The following CD55 variants were observed in gnomAD, a reference collection of about 807,000 sequenced individuals.
CD55 encodes the protein CD55 molecule (Cromer blood group), also known as complement decay-accelerating factor.
In CD55, 41 loss-of-function variants were observed where a neutral mutation model predicts 45.8. The observed-to-expected ratio is 0.90, with a 90% CI of 0.70 to 1.16. The LOEUF (loss-of-function observed/expected upper bound fraction) is 1.16. Among genes scored for constraint, CD55 ranks in the 50% most tolerant of loss-of-function variants. The pLI is 0.00. For missense variants in CD55, 416 were observed against 469.8 expected (o/e 0.89, Z 1.06); for synonymous variants, 181 against 181.1 (o/e 1.00, Z 0.01).
chr1:207,357,366 G>A (rs1656116009), intron 9 of CD55, among the ~76,000 whole-genome samples: 1 of 152,010 alleles, frequency 6.6e-6, no homozygotes, highest in Non-Finnish European at 1.5e-5. Flanking sequence ...AAGTGAGTTG[G>A]TATGGAAGCA....
intron 9 of CD55, among the ~76,000 whole-genome samples, chr1:207,355,012 GA>G (rs2102444647): frequency 6.6e-6 from 1 of 152,274 alleles, no homozygotes; most frequent in East Asian, 1.9e-4. Flanking sequence ...CAGAAAGGGG[GA>G]AACCCAAAAT....
At chr1:207,324,228 G>T (rs1157539947) in intron 2 of CD55, among the ~76,000 whole-genome samples, 1 of 152,062 alleles carries the variant, frequency 6.6e-6, no homozygotes, top group African/African-American at 2.4e-5. Flanking sequence ...GTATGGTGCT[G>T]TGTAGTTCTT....
At chr1:207,328,000 C>T (rs909506726) in intron 5 of CD55, among the ~76,000 whole-genome samples, 1 of 152,102 alleles carries the variant, frequency 6.6e-6, no homozygotes, top group Admixed American at 6.5e-5. Context: ...AAAGCTGGGC[C>T]ATATCTTTTG....
intron 4 of CD55, 82 bp downstream of exon 4, chr1:207,325,803 A>C: frequency 1.3e-6 from 1 of 746,514 alleles, no homozygotes; most frequent in Non-Finnish European, 2.3e-6. Context: ...TAGTTTCATG[A>C]CTGGTATTCA....
At chr1:207,356,552 C>T (rs928323857) in intron 9 of CD55, among the ~76,000 whole-genome samples, 9 of 152,018 alleles carry the variant, frequency 5.9e-5, no homozygotes, top group Non-Finnish European at 7.4e-5. Context: ...GTGAAATTGC[C>T]TGTGATTAGG....
chr1:207,322,942 G>C (rs1654491630), intron 2 of CD55, among the ~76,000 whole-genome samples: 1 of 152,032 alleles, frequency 6.6e-6, no homozygotes, highest in African/African-American at 2.4e-5. Context: ...CTCTGTGGTG[G>C]CATTTTTAAA....
intron 9 of CD55, chr1:207,354,150 C>T (rs1655994702): frequency 2.0e-6 from 3 of 1,480,556 alleles, no homozygotes; most frequent in Non-Finnish European, 1.8e-6. Context: ...AGATGATACC[C>T]TATATATTAA....
rs55925182 is a variant in CD55 at position 207,360,311 on chromosome 1, G to T, written c.*701G>T. On this transcript the variant is annotated 3_prime_UTR_variant, in exon 10 of 10. Transcript: ENST00000367064. Reference sequence around the variant, plus strand: ...ATACTACAATATTAACATAAGAAAAGATTATATATTATTTCTGAATCGAGA... The same window carrying T: ...ATACTACAATATTAACATAAGAAAATATTATATATTATTTCTGAATCGAGA... 2 of 152,226 alleles carry T rather than the reference G, an allele frequency of 1.3e-5. No homozygotes were observed. The highest frequency in any genetic ancestry group is 3.9e-4 in the East Asian group (2 of 5,186). The allele number at this position is 152,226 out of a possible 1,614,324, so 9.4% of individuals were successfully genotyped here. A position where few individuals can be genotyped will look rare whatever the true frequency, so the allele number is the denominator to read the frequency against.
At chr1:207,358,698 A>G (rs1656168874) in intron 9 of CD55, 1 of 152,200 alleles carries the variant, frequency 6.6e-6, no homozygotes. Flanking sequence ...GGGGTTCTTC[A>G]TGACTTTTAA....
intron 5 of CD55, among the ~76,000 whole-genome samples, chr1:207,330,898 A>G (rs1300007829): frequency 6.6e-6 from 1 of 152,156 alleles, no homozygotes; most frequent in Non-Finnish European, 1.5e-5. Flanking sequence ...CAAGGTTAGC[A>G]TTTGTCTTCT....
At chr1:207,343,292 A>C (rs1369571967) in intron 9 of CD55, among the ~76,000 whole-genome samples, 1 of 151,836 alleles carries the variant, frequency 6.6e-6, no homozygotes, top group Non-Finnish European at 1.5e-5. Context: ...AAATCTTTCT[A>C]CTTTTTTGAT....
intron 9 of CD55, among the ~76,000 whole-genome samples, chr1:207,352,947 A>T (rs1022973529): frequency 4.6e-5 from 7 of 151,832 alleles, no homozygotes; most frequent in Admixed American, 4.6e-4. Flanking sequence ...ATTTTCAGCT[A>T]AGATAACTGT....
chr1:207,334,732 G>C (rs927053373), intron 6 of CD55, among the ~76,000 whole-genome samples: 4 of 131,718 alleles, frequency 3.0e-5, no homozygotes, highest in Non-Finnish European at 4.9e-5. Context: ...AATAATAATG[G>C]ATATTTAATC....
intron 9 of CD55, among the ~76,000 whole-genome samples, chr1:207,353,040 G>GTTTTTTTTTTTT (rs386369456): frequency 2.1e-5 from 1 of 47,406 alleles, no homozygotes; most frequent in Non-Finnish European, 3.7e-5. Flanking sequence ...CTATTACCAG[G>GTTTTTTTTTTTT]TTTTTTTTTT....
At chr1:207,352,314 G>T (rs550545607) in intron 9 of CD55, among the ~76,000 whole-genome samples, 24 of 150,220 alleles carry the variant, frequency 1.6e-4, no homozygotes, top group East Asian at 9.7e-4. Context: ...ATTTTTTTTT[G>T]ATCATCCTCC....
chr1:207,356,855 C>T (rs908384876), intron 9 of CD55, among the ~76,000 whole-genome samples: 3 of 152,118 alleles, frequency 2.0e-5, no homozygotes, highest in Admixed American at 6.5e-5. Context: ...GTCCTGTAGA[C>T]AGATGATGAT....
intron 9 of CD55, among the ~76,000 whole-genome samples, chr1:207,359,256 A>G (rs756266919): frequency 6.6e-6 from 1 of 151,930 alleles, no homozygotes; most frequent in Non-Finnish European, 1.5e-5. Context: ...CACACTTAGG[A>G]ATTCATTGAC....
At chr1:207,337,269 AT>A in intron 7 of CD55, 59 bp from the exon 8 acceptor site, 1 of 1,066,070 alleles carries the variant, frequency 9.4e-7, no homozygotes, top group South Asian at 1.3e-5. Flanking sequence ...ACTAATGTAC[AT>A]TCCCCAGTGA....
intron 9 of CD55, among the ~76,000 whole-genome samples, chr1:207,356,339 C>G (rs964641543): frequency 1.3e-5 from 2 of 152,114 alleles, no homozygotes; most frequent in Non-Finnish European, 2.9e-5. Flanking sequence ...TCATTTTTGT[C>G]TGTAATTACT....
Sources: allele counts gnomAD v4.1 joint callset (sites outside exome capture counted in the v4.1 genomes callset), GRCh38; gene constraint gnomAD v4.1.1; transcripts MANE v1.5; gene names NCBI Gene and HGNC (gene_info 2026-07-23, HGNC 2026-07-21).